XKR6: variants seen among roughly 807,000 people sequenced by gnomAD.
XKR6 encodes XK-related protein 6.
In XKR6, 22 loss-of-function variants were observed where a neutral mutation model predicts 56.7. The observed-to-expected ratio is 0.39, with a 90% CI of 0.28 to 0.55. The LOEUF (loss-of-function observed/expected upper bound fraction) is 0.55, where lower values mean the gene tolerates loss of function less well. XKR6 is among the 20% of genes least tolerant of loss of function. The pLI is 0.66. For missense variants in XKR6, 852 were observed against 889.0 expected, an observed-to-expected ratio of 0.96 and a Z score of 0.53; for synonymous variants, 524 against 387.8, an observed-to-expected ratio of 1.35 and a Z score of -4.13.
chr8:11,158,495 A>T (rs566247050), intron 1 of XKR6, among the ~76,000 whole-genome samples: 1 of 152,194 alleles, frequency 6.6e-6, no homozygotes, highest in Non-Finnish European at 1.5e-5. Context: ...CTGTGCCTAG[A>T]AACTTCGCCT....
At chr8:11,009,204 C>T (rs915491809) in intron 1 of XKR6, among the ~76,000 whole-genome samples, 14 of 152,106 alleles carry the variant, frequency 9.2e-5, no homozygotes, top group African/African-American at 3.4e-4. Flanking sequence ...CTCTTTCGCC[C>T]TCTCATTGAA....
intron 1 of XKR6, among the ~76,000 whole-genome samples, chr8:11,132,875 T>A (rs1563161828): frequency 6.8e-6 from 1 of 147,938 alleles, no homozygotes; most frequent in East Asian, 1.9e-4. Flanking sequence ...AAAAAAAAAA[T>A]CTTCCAATGG....
At position 11,129,879 on chromosome 8, in the gene XKR6, T is replaced by C. The variant is rs186177470; in HGVS notation, c.764+70697A>G. Among the ~76,000 whole-genome samples the C allele has an allele frequency of 5.1e-4, 78 of 152,310 alleles. 1 individual carries two copies. In the Middle Eastern group the frequency reaches 0.02, roughly 40 times the overall value. ...TGAAGACAATTCAATCTTCACTTTT[T>C]TAAAAACCAATCTCAGCTGCTTGAT... On this transcript the variant is annotated intron_variant, in intron 1 of 2. Transcript: ENST00000416569.
At chr8:11,036,753 C>T (rs547194813) in intron 1 of XKR6, among the ~76,000 whole-genome samples, 1 of 152,312 alleles carries the variant, frequency 6.6e-6, no homozygotes, top group South Asian at 2.1e-4. Context: ...TTGAAAACAG[C>T]CCTTGAACCC....
At chr8:11,189,346 GC>G (rs1007175692) in intron 1 of XKR6, among the ~76,000 whole-genome samples, 6 of 152,164 alleles carry the variant, frequency 3.9e-5, no homozygotes, top group Non-Finnish European at 7.4e-5. Flanking sequence ...AAAGAAAGAA[GC>G]TTTTGGATCA....
intron 1 of XKR6, among the ~76,000 whole-genome samples, chr8:11,018,879 C>T (rs1798686129): frequency 6.6e-6 from 1 of 152,174 alleles, no homozygotes; most frequent in Non-Finnish European, 1.5e-5. Context: ...ACTCTGCATG[C>T]CATACCCTCA....
intron 1 of XKR6, among the ~76,000 whole-genome samples, chr8:10,968,173 G>C (rs117257293): frequency 6.6e-6 from 1 of 152,126 alleles, no homozygotes; most frequent in African/African-American, 2.4e-5. Flanking sequence ...CCTTGCATCC[G>C]GTCTGTGCTG....
intron 1 of XKR6, among the ~76,000 whole-genome samples, chr8:10,975,155 C>G (rs1318222748): frequency 6.6e-6 from 1 of 152,194 alleles, no homozygotes; most frequent in Non-Finnish European, 1.5e-5. Flanking sequence ...AGACAAAGCT[C>G]TGGCAGTTGT....
chr8:11,110,416 A>G (rs1358979654), intron 1 of XKR6, among the ~76,000 whole-genome samples: 2 of 152,256 alleles, frequency 1.3e-5, no homozygotes, highest in African/African-American at 4.8e-5. Flanking sequence ...TAGAAATGTT[A>G]TGAAAACTTC....
chr8:10,969,441 G>A (rs1269274932), intron 1 of XKR6, among the ~76,000 whole-genome samples: 1 of 152,162 alleles, frequency 6.6e-6, no homozygotes, highest in African/African-American at 2.4e-5. Context: ...TAAAGATGAT[G>A]GATTTGATTC....
intron 1 of XKR6, among the ~76,000 whole-genome samples, chr8:11,088,933 G>T (rs915153819): frequency 1.3e-5 from 2 of 152,212 alleles, no homozygotes; most frequent in African/African-American, 4.8e-5. Context: ...TAGGCTGTAT[G>T]TGCCTTGCAC....
intron 1 of XKR6, among the ~76,000 whole-genome samples, chr8:10,948,968 G>A (rs554612696): frequency 6.6e-5 from 10 of 152,348 alleles, no homozygotes; most frequent in African/African-American, 1.4e-4. Context: ...TGCCCTGGGC[G>A]GTGCAGCCTC....
At chr8:11,162,286 C>T (rs923947223) in intron 1 of XKR6, among the ~76,000 whole-genome samples, 7 of 152,166 alleles carry the variant, frequency 4.6e-5, no homozygotes, top group Non-Finnish European at 1.0e-4. Context: ...CTGCTCACCA[C>T]AGAGTAAACC....
intron 1 of XKR6, among the ~76,000 whole-genome samples, chr8:11,102,122 G>C (rs2129176324): frequency 6.6e-6 from 1 of 152,248 alleles, no homozygotes; most frequent in South Asian, 2.1e-4. Context: ...TCTTCCTTAA[G>C]ACAAACCTGT....
intron 1 of XKR6, among the ~76,000 whole-genome samples, chr8:10,974,610 G>T (rs1329374593): frequency 6.6e-6 from 1 of 152,220 alleles, no homozygotes; most frequent in Non-Finnish European, 1.5e-5. Context: ...AGAGGTGACA[G>T]TGAGAGGCTG....
intron 1 of XKR6, among the ~76,000 whole-genome samples, chr8:11,032,864 C>G (rs116048264): frequency 7.2e-5 from 11 of 152,244 alleles, no homozygotes; most frequent in South Asian, 6.2e-4. Flanking sequence ...CTCATGAGCA[C>G]TGAGGAGCAG....
chr8:11,183,807 G>C (rs1325533499), intron 1 of XKR6, among the ~76,000 whole-genome samples: 1 of 152,144 alleles, frequency 6.6e-6, no homozygotes, highest in Non-Finnish European at 1.5e-5. Flanking sequence ...GTGGGCTCAT[G>C]AAGCGGAAAG....
intron 1 of XKR6, among the ~76,000 whole-genome samples, chr8:11,147,062 G>C (rs1261709556): frequency 6.6e-6 from 1 of 151,892 alleles, no homozygotes; most frequent in African/African-American, 2.4e-5. Flanking sequence ...TAAGAAGGTA[G>C]ATCTCATGTT....
rs1295679962 is a variant in XKR6 at position 11,201,392 on chromosome 8, G to T, written c.-53C>A. The T allele has an allele frequency of 1.9e-6, 2 of 1,051,188 alleles. No homozygotes were observed. The highest frequency in any genetic ancestry group is 3.5e-5 in the South Asian group (2 of 57,024). The allele number at this position is 1,051,188 out of a possible 1,614,324, so 65.1% of individuals were successfully genotyped here. On this transcript the variant is annotated 5_prime_UTR_variant, in exon 1 of 3. Coordinates refer to ENST00000416569, the MANE Select transcript of XKR6 (RefSeq NM_173683.4). Reference sequence around the variant, plus strand: ...TGGGGGGGAGGGACGGCGGGGGGGGGGGGAAGAAGGCAGGGAACGGGGAGG... The same window carrying T: ...TGGGGGGGAGGGACGGCGGGGGGGGTGGGAAGAAGGCAGGGAACGGGGAGG...
Sources: allele counts gnomAD v4.1 joint callset (sites outside exome capture counted in the v4.1 genomes callset), GRCh38; gene constraint gnomAD v4.1.1; transcripts MANE v1.5; gene names NCBI Gene and HGNC (gene_info 2026-07-23, HGNC 2026-07-21).